The following ARPC5L variants were observed in gnomAD, a reference collection of about 807,000 sequenced individuals.
ARPC5L encodes actin related protein 2/3 complex subunit 5 like.
ARPC5L carries 4 observed loss-of-function variants against 16.9 expected under a neutral mutation model. That is an observed-to-expected ratio of 0.24 (90% CI 0.12 to 0.54). The LOEUF (loss-of-function observed/expected upper bound fraction) is 0.54, where lower values mean the gene tolerates loss of function less well. Among genes scored for constraint, ARPC5L ranks in the 20% least tolerant of loss-of-function variants. ARPC5L has a pLI of 0.95. For synonymous variants in ARPC5L, 78 were observed against 82.6 expected, an observed-to-expected ratio of 0.94 and a Z score of 0.30; for missense variants, 151 against 201.9, an observed-to-expected ratio of 0.75 and a Z score of 1.53.
intron 2 of ARPC5L, among the ~76,000 whole-genome samples, chr9:124,864,799 G>C (rs559036747): frequency 6.6e-6 from 1 of 151,002 alleles, no homozygotes; most frequent in South Asian, 2.1e-4. Flanking sequence ...CCACGGCGCA[G>C]TGCGCCTGGA....
intron 2 of ARPC5L, among the ~76,000 whole-genome samples, chr9:124,866,842 T>G (rs1347025369): frequency 1.3e-5 from 2 of 152,236 alleles, no homozygotes; most frequent in African/African-American, 4.8e-5. Flanking sequence ...CTCTCTACTT[T>G]GGTTCTCGAT....
At chr9:124,865,772 G>A (rs1032768153) in intron 2 of ARPC5L, among the ~76,000 whole-genome samples, 4 of 151,348 alleles carry the variant, frequency 2.6e-5, no homozygotes, top group South Asian at 2.1e-4. Flanking sequence ...AAGCCTGGGC[G>A]AAAGAGCAAA....
intron 2 of ARPC5L, among the ~76,000 whole-genome samples, chr9:124,864,505 G>C (rs1012200371): frequency 6.6e-6 from 1 of 152,122 alleles, no homozygotes; most frequent in African/African-American, 2.4e-5. Flanking sequence ...GGGAATACAG[G>C]CATGCACCAC....
At position 124,876,098 on chromosome 9, in the gene ARPC5L, A is replaced by C. The variant is rs1829430078; in HGVS notation, c.400-780A>C. On this transcript the variant is annotated intron_variant, in intron 5 of 5. Coordinates refer to ENST00000353214, the MANE Select transcript of ARPC5L (RefSeq NM_030978.3). ...GTCAGTGGGCTTGTGTGCATCTGTAAACTCAGCACTTTGGGAGGCTGAGGC... is the reference window on the plus strand; with the variant it reads ...GTCAGTGGGCTTGTGTGCATCTGTACACTCAGCACTTTGGGAGGCTGAGGC... Among the ~76,000 whole-genome samples, 4 of 152,266 alleles carry C rather than the reference A, an allele frequency of 2.6e-5. No individual in the cohort carries two copies. In the South Asian group the frequency reaches 8.3e-4, roughly 32 times the overall value.
At chr9:124,870,712 C>T (rs1436547824) in intron 3 of ARPC5L, among the ~76,000 whole-genome samples, 1 of 152,130 alleles carries the variant, frequency 6.6e-6, no homozygotes, top group Non-Finnish European at 1.5e-5. Context: ...TGGTGTAGGG[C>T]CTAGTTCATG....
intron 2 of ARPC5L, among the ~76,000 whole-genome samples, chr9:124,867,009 C>A (rs1829279164): frequency 6.6e-6 from 1 of 152,170 alleles, no homozygotes; most frequent in Admixed American, 6.5e-5. Flanking sequence ...TCCTCCCAAC[C>A]CCCACCTCAT....
Position 124,864,092 on chromosome 9 carries a change from C to A in ARPC5L, c.-879C>A. The A allele has an allele frequency of 6.6e-6, 1 of 152,172 alleles. No individual in the cohort carries two copies. The highest frequency in any genetic ancestry group is 2.4e-5 in the African/African-American group (1 of 41,432). The allele number at this position is 152,172 out of a possible 1,614,324, so 9.4% of individuals were successfully genotyped here. A position where few individuals can be genotyped will look rare whatever the true frequency, so the allele number is the denominator to read the frequency against. On this transcript the variant is annotated 5_prime_UTR_variant, in exon 2 of 6. Coordinates refer to ENST00000353214, the MANE Select transcript of ARPC5L (RefSeq NM_030978.3). Reference sequence around the variant, plus strand: ...ATGCTTGTTGGATGAATTAATGAACCTTGACCCACACCAAGGTGAGGAAGG... The same window carrying A: ...ATGCTTGTTGGATGAATTAATGAACATTGACCCACACCAAGGTGAGGAAGG...
chr9:124,862,627 C>T (rs1279925264), intron 1 of ARPC5L, among the ~76,000 whole-genome samples: 1 of 151,396 alleles, frequency 6.6e-6, no homozygotes, highest in East Asian at 1.9e-4. Flanking sequence ...AGCGATTCTC[C>T]TGCCCCAGCC....
Position 124,869,163 on chromosome 9 carries a change from G to T in ARPC5L, c.-128G>T, listed in dbSNP as rs1168910423. 1.9e-6 allele frequency: 2 copies of T among 1,050,310 alleles called. No homozygotes were observed. The highest frequency in any genetic ancestry group is 2.5e-6 in the Non-Finnish European group (2 of 811,040). The allele number at this position is 1,050,310 out of a possible 1,614,324, so 65.1% of individuals were successfully genotyped here. A position where few individuals can be genotyped will look rare whatever the true frequency, so the allele number is the denominator to read the frequency against. On this transcript the variant is annotated 5_prime_UTR_variant, in exon 3 of 6. Transcript: ENST00000353214. ...CGGGCGGCGGCGGCTGCGCGCGGAG[G>T]CGGTGGAGGAGGTGCTGGGAGCAGC...
intron 4 of ARPC5L, 133 bp downstream of exon 4, chr9:124,873,897 C>A: frequency 1.0e-6 from 1 of 979,740 alleles, no homozygotes; most frequent in Non-Finnish European, 1.6e-6. Flanking sequence ...CCAGGGAAGC[C>A]TCCTGGCGCT....
At chr9:124,865,055 C>G (rs948117266) in intron 2 of ARPC5L, among the ~76,000 whole-genome samples, 1 of 152,076 alleles carries the variant, frequency 6.6e-6, no homozygotes, top group African/African-American at 2.4e-5. Context: ...TGGTCTCAAA[C>G]TCCTGACCTC....
At chr9:124,866,648 G>T (rs1040895612) in intron 2 of ARPC5L, among the ~76,000 whole-genome samples, 10 of 152,152 alleles carry the variant, frequency 6.6e-5, no homozygotes, top group African/African-American at 1.2e-4. Context: ...AACCCGGGAG[G>T]CAGAGGTTGC....
At chr9:124,863,741 T>C (rs1005877995) in intron 1 of ARPC5L, among the ~76,000 whole-genome samples, 1 of 152,228 alleles carries the variant, frequency 6.6e-6, no homozygotes, top group African/African-American at 2.4e-5. Context: ...TGTTTAGGCT[T>C]TCTGATTAAT....
At chr9:124,865,754 C>A (rs1829262256) in intron 2 of ARPC5L, among the ~76,000 whole-genome samples, 1 of 151,814 alleles carries the variant, frequency 6.6e-6, no homozygotes. Context: ...GATTGCGCCA[C>A]TTCACTCAAG....
chr9:124,876,665 T>C (rs1301837130), intron 5 of ARPC5L, among the ~76,000 whole-genome samples: 3 of 152,110 alleles, frequency 2.0e-5, no homozygotes, highest in African/African-American at 4.8e-5. Context: ...GACAGTGTTC[T>C]CAAGCCAGTT....
At chr9:124,871,272 C>G (rs1166801408) in intron 3 of ARPC5L, among the ~76,000 whole-genome samples, 1 of 152,120 alleles carries the variant, frequency 6.6e-6, no homozygotes, top group Non-Finnish European at 1.5e-5. Context: ...CTGCGCACAC[C>G]CTGCACTACC....
intron 3 of ARPC5L, 162 bp from the exon 4 acceptor site, chr9:124,873,530 G>A (rs1829389502): frequency 6.9e-6 from 5 of 728,798 alleles, no homozygotes; most frequent in Middle Eastern, 2.4e-4. Flanking sequence ...CAGCCTCCCT[G>A]TGCAGGCTGT....
intron 3 of ARPC5L, among the ~76,000 whole-genome samples, chr9:124,870,635 C>G (rs990891759): frequency 1.3e-5 from 2 of 152,178 alleles, no homozygotes; most frequent in Non-Finnish European, 2.9e-5. Context: ...TCAGGATCTC[C>G]CAATCCACCC....
chr9:124,862,149 G>A lies in ARPC5L; in HGVS notation c.-1233G>A, dbSNP rs1374572148. 2.1e-6 allele frequency: 1 copy of A among 480,796 alleles called. No individual in the cohort carries two copies. The highest frequency in any genetic ancestry group is 3.6e-6 in the Non-Finnish European group (1 of 277,406). The allele number at this position is 480,796 out of a possible 1,614,324, so 29.8% of individuals were successfully genotyped here. On this transcript the variant is annotated 5_prime_UTR_variant, in exon 1 of 6. Transcript: ENST00000353214. ...CGCCTCATTCACGGCACCCCTGATA[G>A]CGAGGTCGGCGTCACGGTGTAGGCG...
Sources: allele counts gnomAD v4.1 joint callset (sites outside exome capture counted in the v4.1 genomes callset), GRCh38; gene constraint gnomAD v4.1.1; transcripts MANE v1.5; gene names NCBI Gene and HGNC (gene_info 2026-07-23, HGNC 2026-07-21).